RAB33A: variants seen among roughly 807,000 people sequenced by gnomAD.
The protein encoded by RAB33A is RAB33A, member RAS oncogene family, also known as ras-related protein Rab-33A.
A neutral mutation model predicts 12.0 loss-of-function variants in RAB33A; 6 were observed. The ratio of observed to expected loss-of-function variants is 0.50; its 90% CI spans 0.27 to 0.99. The LOEUF (loss-of-function observed/expected upper bound fraction) is 0.99, where lower values mean the gene tolerates loss of function less well. Among genes scored for constraint, RAB33A ranks in the 50% least tolerant of loss-of-function variants. The pLI, the probability that RAB33A is intolerant of heterozygous loss-of-function variation, is 0.11. For missense variants in RAB33A, 109 were observed against 192.0 expected, an observed-to-expected ratio of 0.57 and a Z score of 2.55; for synonymous variants, 70 against 82.4, an observed-to-expected ratio of 0.85 and a Z score of 0.81.
chrX:130,156,930 AGATGACT>A, the RAB33A span, among the ~76,000 whole-genome samples: 2 of 111,627 alleles, frequency 1.8e-5, no homozygotes, highest in African/African-American at 6.5e-5. Context: ...AAACACAGAG[AGATGACT>A]GAATAGGTAG....
At chrX:130,140,099 C>T in the RAB33A span, among the ~76,000 whole-genome samples, 1 of 112,323 alleles carries the variant, frequency 8.9e-6, no homozygotes, top group Admixed American at 9.4e-5. Context: ...TACACCCTGC[C>T]CCTAGGTGGC....
At chrX:130,136,867 C>A in the RAB33A span, 1 of 1,008,142 alleles carries the variant, frequency 9.9e-7, no homozygotes, top group Non-Finnish European at 1.4e-6. Flanking sequence ...GCTGCAAGAA[C>A]CTACACCCAT....
the RAB33A span, among the ~76,000 whole-genome samples, chrX:130,156,113 G>A: frequency 4.5e-5 from 5 of 111,840 alleles, no homozygotes; most frequent in Non-Finnish European, 9.4e-5. Context: ...TTGTGCTAAG[G>A]AGCTGCAATG....
chrX:130,153,178 C>CAAAAAAA, the RAB33A span, among the ~76,000 whole-genome samples: 14 of 43,898 alleles, frequency 3.2e-4, no homozygotes, highest in African/African-American at 3.4e-4. Flanking sequence ...ACTAAAAATA[C>CAAAAAAA]AAAAAAAAAA....
At chrX:130,130,287 G>A in the RAB33A span, 2 of 811,146 alleles carry the variant, frequency 2.5e-6, no homozygotes, top group Non-Finnish European at 3.6e-6. Flanking sequence ...ACTTCTAGAG[G>A]ATTTATTTCT....
chrX:130,131,649 C>T, the RAB33A span: 1 of 1,211,482 alleles, frequency 8.3e-7, no homozygotes, highest in South Asian at 1.8e-5. Context: ...CAACACTCTC[C>T]AAGAGGAGTG....
intron 1 of RAB33A, among the ~76,000 whole-genome samples, chrX:130,181,880 G>A (rs1178410217): frequency 9.1e-6 from 1 of 110,171 alleles, no homozygotes; most frequent in Non-Finnish European, 1.9e-5. Flanking sequence ...CCAGGATGTG[G>A]AGGTTGCAGT....
At chrX:130,149,062 C>T in the RAB33A span, among the ~76,000 whole-genome samples, 1 of 106,316 alleles carries the variant, frequency 9.4e-6, no homozygotes, top group African/African-American at 3.4e-5. Flanking sequence ...CCAGGGATTA[C>T]AGGCGTGCAC....
the RAB33A span, among the ~76,000 whole-genome samples, chrX:130,156,789 G>A: frequency 8.9e-6 from 1 of 112,168 alleles, no homozygotes; most frequent in South Asian, 3.7e-4. Context: ...ACGCTCTTAA[G>A]TTGCTGAAGT....
intron 1 of RAB33A, among the ~76,000 whole-genome samples, chrX:130,179,595 G>A (rs2031700514): frequency 9.2e-6 from 1 of 108,648 alleles, no homozygotes; most frequent in South Asian, 4.2e-4. Context: ...CTTCCTGTTC[G>A]GAACACCACG....
chrX:130,182,206 C>T (rs1448324659), intron 1 of RAB33A, among the ~76,000 whole-genome samples: 1 of 86,437 alleles, frequency 1.2e-5, no homozygotes, highest in African/African-American at 4.4e-5. Context: ...CATATATACA[C>T]ACAATATATA....
chrX:130,144,996 T>A, the RAB33A span, among the ~76,000 whole-genome samples: 743 of 111,680 alleles, frequency 6.7e-3, 1 homozygote, highest in Middle Eastern at 0.028. Context: ...ACACACACAC[T>A]CTAGTACCTG....
chrX:130,136,898 AG>A, the RAB33A span, among the ~76,000 whole-genome samples: 2 of 111,356 alleles, frequency 1.8e-5, no homozygotes, highest in African/African-American at 6.5e-5. Flanking sequence ...CAGCACTTCC[AG>A]GAATTTGGGG....
At chrX:130,153,178 C>CAAAAAAAAAA in the RAB33A span, among the ~76,000 whole-genome samples, 28 of 43,870 alleles carry the variant, frequency 6.4e-4, no homozygotes, top group African/African-American at 1.3e-3. Context: ...ACTAAAAATA[C>CAAAAAAAAAA]AAAAAAAAAA....
chrX:130,180,138 T>G (rs1267387962), intron 1 of RAB33A, among the ~76,000 whole-genome samples: 11 of 110,775 alleles, frequency 9.9e-5, no homozygotes, highest in African/African-American at 3.3e-4. Flanking sequence ...ATCAACCAGG[T>G]GTAGCTGAGT....
At chrX:130,117,905 A>G in the RAB33A span, among the ~76,000 whole-genome samples, 1 of 112,499 alleles carries the variant, frequency 8.9e-6, no homozygotes, top group Non-Finnish European at 1.9e-5. Context: ...CCCTGGCCTT[A>G]GCTGATCTCC....
chrX:130,165,990 A>G, the RAB33A span: 2 of 314,108 alleles, frequency 6.4e-6, no homozygotes, highest in Non-Finnish European at 5.8e-6. Context: ...TTTGTGGCAC[A>G]GTGTTGGACT....
chrX:130,118,000 T>C, the RAB33A span, among the ~76,000 whole-genome samples: 1 of 112,181 alleles, frequency 8.9e-6, no homozygotes, highest in Non-Finnish European at 1.9e-5. Context: ...TGCAGGCCCT[T>C]GAGTGTGCTG....
intron 1 of RAB33A, among the ~76,000 whole-genome samples, chrX:130,180,086 G>T (rs1321150558): frequency 9.1e-6 from 1 of 110,383 alleles, no homozygotes; most frequent in Non-Finnish European, 1.9e-5. Flanking sequence ...TGATTCTATA[G>T]GGGAGGAGTG....
Sources: allele counts gnomAD v4.1 joint callset (sites outside exome capture counted in the v4.1 genomes callset), GRCh38; gene constraint gnomAD v4.1.1; transcripts MANE v1.5; gene names NCBI Gene and HGNC (gene_info 2026-07-23, HGNC 2026-07-21).